Variants in UNK observed in about 807,000 individuals in gnomAD.
UNK encodes the protein unk zinc finger.
A neutral mutation model predicts 97.6 loss-of-function variants in UNK; 32 were observed. The ratio of observed to expected loss-of-function variants is 0.33; its 90% CI spans 0.25 to 0.44. The LOEUF (loss-of-function observed/expected upper bound fraction) is 0.44. Among genes scored for constraint, UNK ranks in the 20% least tolerant of loss-of-function variants. UNK has a pLI of 1.00. For missense variants in UNK, 771 were observed against 1,098.4 expected (o/e 0.70, Z 4.21); for synonymous variants, 441 against 461.2 (o/e 0.96, Z 0.56).
chr17:75,803,184 G>A (rs555827992), intron 1 of UNK, among the ~76,000 whole-genome samples: 3 of 129,504 alleles, frequency 2.3e-5, no homozygotes, highest in African/African-American at 1.0e-4. Flanking sequence ...ACATCATGAG[G>A]TCAGGAGATC....
At chr17:75,785,329 A>C (rs150981299) in intron 1 of UNK, 24 of 229,356 alleles carry the variant, frequency 1.0e-4, no homozygotes, top group Middle Eastern at 1.5e-3. Context: ...TGAGAAGTCC[A>C]AGACACAACC....
intron 13 of UNK, among the ~76,000 whole-genome samples, chr17:75,820,828 C>T (rs553159180): frequency 6.6e-6 from 1 of 152,148 alleles, no homozygotes; most frequent in Admixed American, 6.6e-5. Flanking sequence ...CCAGGAGCTC[C>T]CTCCCCGAGA....
chr17:75,790,872 G>A (rs574310502), intron 1 of UNK, among the ~76,000 whole-genome samples: 23 of 151,022 alleles, frequency 1.5e-4, no homozygotes, highest in Admixed American at 9.9e-4. Context: ...CGGAGGTTGC[G>A]GAGGTTGCAG....
chr17:75,793,779 G>T (rs2061782278), intron 1 of UNK: 1 of 985,262 alleles, frequency 1.0e-6, no homozygotes, highest in Admixed American at 6.2e-5. Context: ...TTAATAAGGA[G>T]GGGGAAGGTC....
intron 2 of UNK, 58 bp downstream of exon 2, chr17:75,810,027 C>A (rs1022448864): frequency 4.4e-6 from 7 of 1,594,622 alleles, no homozygotes; most frequent in Non-Finnish European, 5.1e-6. Flanking sequence ...GTCAGATGCC[C>A]TCAGGGTAGG....
chr17:75,812,648 T>C (rs1567804741), intron 4 of UNK, 63 bp downstream of exon 4: 2 of 1,563,234 alleles, frequency 1.3e-6, no homozygotes, highest in Non-Finnish European at 1.7e-6. Flanking sequence ...GCCCTGGGGA[T>C]TTGGCTCACC....
rs943450048 is a variant in UNK, at chr17:75,824,907, CCCT to C, written c.*491_*493del. ...AAGCCCTCAGGGCAGGCCCTGCTCCCCCTACCTCCTTGCCAGGGCAAGGGTGGA... is the reference window on the plus strand; with the variant it reads ...AAGCCCTCAGGGCAGGCCCTGCTCCCACCTCCTTGCCAGGGCAAGGGTGGA... On this transcript the variant is annotated 3_prime_UTR_variant, in exon 16 of 16. Coordinates refer to ENST00000589666, the MANE Select transcript of UNK (RefSeq NM_001080419.3). The surrounding 1 kb of genome is among the most constrained non-coding windows in gnomAD (Gnocchi z 4.9). The C allele has an allele frequency of 1.3e-5, 2 of 152,244 alleles. No individual in the cohort carries two copies. The highest frequency in any genetic ancestry group is 4.8e-5 in the African/African-American group (2 of 41,446). 9.4% of individuals were successfully genotyped at this position (152,244 alleles called of 1,614,324 possible).
At chr17:75,800,475 A>T (rs2061845946) in intron 1 of UNK, among the ~76,000 whole-genome samples, 1 of 150,884 alleles carries the variant, frequency 6.6e-6, no homozygotes, top group African/African-American at 2.4e-5. Flanking sequence ...GCGGTGGCTC[A>T]TGCCTGTAAT....
Position 75,819,746 on chromosome 17 carries a change from G to A in UNK, c.1609G>A (p.Asp537Asn), listed in dbSNP as rs1360808444. 2.5e-6 allele frequency: 4 copies of A among 1,613,890 alleles called. No homozygotes were observed. Among genetic ancestry groups the A allele is most frequent in the South Asian group, 1.1e-5 (1 of 91,092 alleles). ...FGVAALEKTFDNSTVPHPGSI... is the reference protein window; with the variant it reads ...FGVAALEKTFNNSTVPHPGSI... ...CGTGGCCGCCCTGGAGAAGACTTTC[G>A]ATAACAGCACAGTGCCCCACCCAGG... is the stretch of plus-strand genomic sequence containing the variant. Residue 537 changes from aspartate to asparagine, a missense_variant, in exon 12 of 16, where the codon GAT becomes AAT. By Grantham distance (23) the Asp-to-Asn change is conservative. Around this residue, in one of 5 missense-constraint regions of UNK, gnomAD observed 91 missense variants for 173.1 expected, o/e 0.53. Transcript: ENST00000589666. The surrounding 1 kb of genome is among the most constrained non-coding windows in gnomAD (Gnocchi z 5.4).
In UNK at chr17:75,822,591, G is replaced by A. The variant is rs778040918; in HGVS notation, c.1952G>A (p.Arg651Gln). The part of the protein sequence containing the change: ...GPGAAELARL[R>Q]QELDEANSTI... ...GGGGCTGCCGAGCTGGCCCGACTTCGGCAAGAGCTGGATGAAGCCAACAGC... is the reference window on the plus strand; with the variant it reads ...GGGGCTGCCGAGCTGGCCCGACTTCAGCAAGAGCTGGATGAAGCCAACAGC... Residue 651 changes from arginine (R) to glutamine (Q), a missense_variant, in exon 14 of 16, where the codon CGG (arginine) becomes CAG (glutamine). Physicochemically the swap from Arg to Gln is conservative, Grantham distance 43 (BLOSUM62 1). Transcript: ENST00000589666. 2.4e-5 allele frequency: 38 copies of A among 1,613,102 alleles called. No homozygotes were observed. The highest frequency in any genetic ancestry group is 1.3e-4 in the South Asian group (12 of 90,956).
At chr17:75,797,534 C>T (rs900357342) in intron 1 of UNK, among the ~76,000 whole-genome samples, 1 of 152,222 alleles carries the variant, frequency 6.6e-6, no homozygotes, top group African/African-American at 2.4e-5. Context: ...CACACCTGGC[C>T]TATACTTGTT....
In UNK at chr17:75,817,954, G is replaced by T; in HGVS notation, c.1306-149G>T. 1.4e-6 allele frequency: 1 copy of T among 735,242 alleles called. No individual in the cohort carries two copies. 45.5% of individuals were successfully genotyped at this position (735,242 alleles called of 1,614,324 possible). On this transcript the variant is annotated intron_variant, in intron 9 of 15. Coordinates refer to ENST00000589666, the MANE Select transcript of UNK (RefSeq NM_001080419.3). The surrounding 1 kb of genome is among the most constrained non-coding windows in gnomAD (Gnocchi z 5.8). ...AGGGTAGGGGAAGGGAGTAGGGGGT[G>T]GGGAGGAAGAAGGGGGTGTGTGCAT...
chr17:75,812,943 C>G, intron 4 of UNK, 135 bp from the exon 5 acceptor site: 2 of 1,277,292 alleles, frequency 1.6e-6, no homozygotes, highest in South Asian at 1.6e-5. Flanking sequence ...AGGAGGGGCC[C>G]TACTCACATC....
At position 75,821,024 on chromosome 17, in the gene UNK, G is replaced by A. The variant is rs922872374; in HGVS notation, c.1837+916G>A. 1.3e-5 allele frequency among the ~76,000 whole-genome samples: 2 copies of A among 151,104 alleles called. 1 individual carries two copies. Among genetic ancestry groups the A allele is most frequent in the East Asian group, 3.9e-4 (2 of 5,142 alleles). ...TTAGGTGCTTGGTGTTGCATTTTTC[G>A]GACTTGCCCCATATTCGGATAGGAT... On this transcript the variant is annotated intron_variant, in intron 13 of 15. Coordinates refer to ENST00000589666, the MANE Select transcript of UNK (RefSeq NM_001080419.3).
chr17:75,795,632 T>C (rs1400820022), intron 1 of UNK, among the ~76,000 whole-genome samples: 1 of 152,126 alleles, frequency 6.6e-6, no homozygotes, highest in African/African-American at 2.4e-5. Context: ...TGAGCCACCA[T>C]GCCTGGCCAG....
intron 1 of UNK, among the ~76,000 whole-genome samples, chr17:75,800,610 G>A (rs1295926701): frequency 3.3e-5 from 5 of 151,262 alleles, no homozygotes; most frequent in East Asian, 2.1e-4. Context: ...GGTGGCGGGC[G>A]CCTGTAATCC....
At chr17:75,792,209 T>G (rs1167548545) in intron 1 of UNK, 1 of 889,278 alleles carries the variant, frequency 1.1e-6, no homozygotes, top group Non-Finnish European at 1.3e-6. Context: ...TAAAGCTGCA[T>G]TACATTAAAT....
intron 1 of UNK, chr17:75,791,698 T>C: frequency 1.0e-6 from 1 of 973,890 alleles, no homozygotes; most frequent in Non-Finnish European, 1.2e-6. Context: ...TGATATTTGC[T>C]ATTATCTAAA....
chr17:75,819,860 G>C lies in UNK; in HGVS notation c.1649-60G>C. 6.2e-7 allele frequency: 1 copy of C among 1,605,758 alleles called. No homozygotes were observed. The highest frequency in any genetic ancestry group is 8.5e-7 in the Non-Finnish European group (1 of 1,175,674). ...GCCTGGCTCAGGCCCCTTGCTCTGTGTGGCCCGCCTGGCTTCCGCTGCCCT... is the reference window on the plus strand; with the variant it reads ...GCCTGGCTCAGGCCCCTTGCTCTGTCTGGCCCGCCTGGCTTCCGCTGCCCT... On this transcript the variant is annotated intron_variant, in intron 12 of 15. Transcript: ENST00000589666. The surrounding 1 kb of genome is among the most constrained non-coding windows in gnomAD (Gnocchi z 5.4).
Sources: gnomAD v4.1 joint callset for allele counts (sites outside exome capture counted in the v4.1 genomes callset) on GRCh38, gnomAD v4.1.1 for gene constraint, gnomAD v4.1.1 regional missense constraint, Gnocchi (gnomAD v3.1) non-coding constraint, MANE v1.5 for transcripts, NCBI Gene and HGNC (gene_info 2026-07-23, HGNC 2026-07-21) for gene names.